Variants in NT5C2 observed in about 807,000 individuals in gnomAD.
NT5C2 encodes the protein 5'-nucleotidase, cytosolic II.
NT5C2 carries 58 observed loss-of-function variants against 76.1 expected under a neutral mutation model. That is an observed-to-expected ratio of 0.76 (90% confidence interval 0.62 to 0.95). NT5C2 has a LOEUF of 0.95. NT5C2 is among the 40% of genes least tolerant of loss of function. The pLI is 0.00. For synonymous variants in NT5C2, 229 were observed against 237.4 expected (o/e 0.96, Z 0.32); for missense variants, 478 against 690.3 (o/e 0.69, Z 3.45).
intron 3 of NT5C2, among the ~76,000 whole-genome samples, chr10:103,165,180 A>T: frequency 6.6e-6 from 1 of 152,132 alleles, no homozygotes; most frequent in South Asian, 2.1e-4. Context: ...CTGTAACCTC[A>T]AACTCCTGGG....
At chr10:103,108,994 G>T (rs1003384905) in intron 4 of NT5C2, among the ~76,000 whole-genome samples, 1 of 151,998 alleles carries the variant, frequency 6.6e-6, no homozygotes, top group African/African-American at 2.4e-5. Context: ...AAGTAGCTGG[G>T]ATTACAGGTG....
At chr10:103,178,884 CAG>C (rs2090531775) in intron 2 of NT5C2, among the ~76,000 whole-genome samples, 1 of 149,240 alleles carries the variant, frequency 6.7e-6, no homozygotes, top group African/African-American at 2.5e-5. Context: ...GCTCTGTAAA[CAG>C]AGTGGTCATT....
At chr10:103,174,781 A>ACATTAATTT in intron 3 of NT5C2, 77 bp downstream of exon 3, 1 of 937,998 alleles carries the variant, frequency 1.1e-6, no homozygotes, top group Non-Finnish European at 1.7e-6. Context: ...ACCTCTCTGT[A>ACATTAATTT]CATTAATTTC....
rs1407440892 is a variant in NT5C2, at chr10:103,099,986, G to A, written c.573C>T (p.Phe191=). 3.1e-6 allele frequency: 5 copies of A among 1,612,102 alleles called. No individual in the cohort carries two copies. Among genetic ancestry groups the A allele is most frequent in the Non-Finnish European group, 4.2e-6 (5 of 1,178,600 alleles). ...CCTGGAACATACTCCGGTAGGACAT[G>A]AAGAGGTCCCCATCTTTAAATCCTG... ...CETGFKDGDL[F]MSYRSMFQDV... Residue 191 remains phenylalanine, a synonymous_variant, in exon 9 of 19, where the codon TTC becomes TTT. Transcript: ENST00000404739.
chr10:103,177,894 C>T (rs2090310227), intron 2 of NT5C2, among the ~76,000 whole-genome samples: 3 of 152,160 alleles, frequency 2.0e-5, no homozygotes, highest in African/African-American at 7.2e-5. Flanking sequence ...TTCCATGACT[C>T]TAAAGTAAAA....
chr10:103,167,632 T>G (rs957988897), intron 3 of NT5C2, among the ~76,000 whole-genome samples: 1 of 152,062 alleles, frequency 6.6e-6, no homozygotes, highest in African/African-American at 2.4e-5. Context: ...GATTTCCCCT[T>G]TTTTTGTTTT....
chr10:103,131,114 C>T (rs2078090131), intron 4 of NT5C2, among the ~76,000 whole-genome samples: 1 of 152,144 alleles, frequency 6.6e-6, no homozygotes, highest in Admixed American at 6.5e-5. Flanking sequence ...ATGAACACAC[C>T]ATTCCAAAAC....
intron 1 of NT5C2, among the ~76,000 whole-genome samples, chr10:103,185,277 T>C (rs1405857248): frequency 1.3e-5 from 2 of 151,996 alleles, no homozygotes; most frequent in East Asian, 3.9e-4. Context: ...AAACCAGCTG[T>C]ACAATTTTTA....
At chr10:103,123,857 A>G (rs557112506) in intron 4 of NT5C2, among the ~76,000 whole-genome samples, 20 of 149,166 alleles carry the variant, frequency 1.3e-4, no homozygotes, top group African/African-American at 4.3e-4. Flanking sequence ...TGGGGGGGGA[A>G]AAAAAAAGTC....
At chr10:103,138,783 G>A (rs1043404055) in intron 4 of NT5C2, among the ~76,000 whole-genome samples, 2 of 152,230 alleles carry the variant, frequency 1.3e-5, no homozygotes, top group Non-Finnish European at 2.9e-5. Flanking sequence ...CAAGTGGGGA[G>A]ATCATCTGAG....
At chr10:103,172,717 C>T (rs1029059565) in intron 3 of NT5C2, among the ~76,000 whole-genome samples, 5 of 152,092 alleles carry the variant, frequency 3.3e-5, no homozygotes, top group Non-Finnish European at 7.4e-5. Context: ...CACCTGTAAT[C>T]CCAGCTACCA....
Position 103,175,797 on chromosome 10 carries a change from T to C in NT5C2, c.-24-815A>G, listed in dbSNP as rs1278890110. 1.4e-5 allele frequency: 3 copies of C among 213,078 alleles called. No individual in the cohort carries two copies. In the Admixed American group the frequency reaches 1.5e-4, roughly 10 times the overall value. The allele number at this position is 213,078 out of a possible 1,614,324, so 13.2% of individuals were successfully genotyped here. A position where few individuals can be genotyped will look rare whatever the true frequency, so the allele number is the denominator to read the frequency against. On this transcript the variant is annotated intron_variant, in intron 2 of 18. Coordinates refer to ENST00000404739, the MANE Select transcript of NT5C2 (RefSeq NM_001351169.2). ...CTGAGGCCAAGGGGGCAGTCTCCCC[T>C]AATAAGTTCTCTCTCAAGAAGTCTT...
At chr10:103,146,882 T>G (rs956538740) in intron 3 of NT5C2, among the ~76,000 whole-genome samples, 3 of 152,228 alleles carry the variant, frequency 2.0e-5, no homozygotes, top group Non-Finnish European at 2.9e-5. Flanking sequence ...GTAGTGCTAC[T>G]CAAAGCATGG....
chr10:103,163,050 G>A (rs1204254033), intron 3 of NT5C2, among the ~76,000 whole-genome samples: 1 of 152,094 alleles, frequency 6.6e-6, no homozygotes, highest in Non-Finnish European at 1.5e-5. Context: ...CATGCCAGAT[G>A]TCATTTAAGA....
rs2066199416 is a variant in NT5C2 at position 103,089,710 on chromosome 10, C to T, written c.1648G>A (p.Glu550Lys). 2 of 1,612,112 alleles carry T rather than the reference C, an allele frequency of 1.2e-6. No homozygotes were observed. Among genetic ancestry groups the T allele is most frequent in the African/African-American group, 2.7e-5 (2 of 74,804 alleles). Reference protein sequence around the residue: ...APQEITHCHDEDDDEEEEEEE... With the variant: ...APQEITHCHDKDDDEEEEEEE... ...TCCTCCTCCTCTTCATCATCATCTT[C>T]GTCATGGCAGTGTGTAATTTCCTGG... is the stretch of plus-strand genomic sequence containing the variant. Residue 550 changes from glutamate (E) to lysine (K), a missense_variant, in exon 19 of 19, where the codon GAA becomes AAA. Transcript: ENST00000404739.
chr10:103,192,124 T>G (rs1477514727), intron 1 of NT5C2, among the ~76,000 whole-genome samples: 1 of 152,194 alleles, frequency 6.6e-6, no homozygotes, highest in Admixed American at 6.5e-5. Flanking sequence ...ACACTAAGTT[T>G]TCATGGTAAA....
intron 2 of NT5C2, among the ~76,000 whole-genome samples, chr10:103,180,831 C>T (rs1395139686): frequency 6.6e-6 from 1 of 152,054 alleles, no homozygotes; most frequent in Non-Finnish European, 1.5e-5. Context: ...AATTATGGTA[C>T]ATCTGTACAA....
At chr10:103,100,767 C>T (rs1014847713) in intron 8 of NT5C2, 3 of 589,258 alleles carry the variant, frequency 5.1e-6, no homozygotes, top group Non-Finnish European at 9.6e-6. Flanking sequence ...ACTCAGTTGT[C>T]ACAATTAGCA....
intron 4 of NT5C2, among the ~76,000 whole-genome samples, chr10:103,107,058 G>C (rs80122405): frequency 6.6e-6 from 1 of 151,972 alleles, no homozygotes; most frequent in Admixed American, 6.6e-5. Flanking sequence ...GATATTAATC[G>C]TGAGAATAAA....
Sources: gnomAD v4.1 joint callset for allele counts (sites outside exome capture counted in the v4.1 genomes callset) on GRCh38, gnomAD v4.1.1 for gene constraint, MANE v1.5 for transcripts, NCBI Gene and HGNC (gene_info 2026-07-23, HGNC 2026-07-21) for gene names.